The following MAST4 variants were observed in gnomAD, a reference collection of about 807,000 sequenced individuals.
The protein encoded by MAST4 is microtubule associated serine/threonine kinase family member 4.
MAST4 carries 89 observed loss-of-function variants against 162.7 expected under a neutral mutation model. The observed-to-expected ratio is 0.55, with a 90% CI of 0.46 to 0.65. MAST4 has a LOEUF of 0.65. Ranked by LOEUF, MAST4 falls within the 30% of genes least tolerant of loss-of-function variation. The pLI is 0.00. For missense variants in MAST4, 3,153 were observed against 3,374.0 expected (o/e 0.93, Z 1.62); for synonymous variants, 1,479 against 1,361.1 (o/e 1.09, Z -1.91).
chr5:66,769,533 A>G (rs890350258), intron 2 of MAST4, among the ~76,000 whole-genome samples: 2 of 152,236 alleles, frequency 1.3e-5, no homozygotes, highest in African/African-American at 4.8e-5. Context: ...TACCTGGTTT[A>G]GCCTACTGTA....
At chr5:66,910,741 C>CTTTGTTTTTTTTTTTTTTTTTTT (rs1763690763) in intron 4 of MAST4, among the ~76,000 whole-genome samples, 7 of 20,090 alleles carry the variant, frequency 3.5e-4, no homozygotes, top group Non-Finnish European at 9.5e-4. Flanking sequence ...TTTTTTTTTT[C>CTTTGTTTTTTTTTTTTTTTTTTT]TTTTTTTTTT....
intron 3 of MAST4, among the ~76,000 whole-genome samples, chr5:66,892,666 C>A (rs1423465): frequency 2.0e-5 from 3 of 151,856 alleles, no homozygotes; most frequent in Admixed American, 2.0e-4. Context: ...TTATCAGTAC[C>A]AGCCCTCCCT....
chr5:66,907,158 CGAGAGAGAGAGAGAGAGAGAGAGA>C lies in MAST4; in HGVS notation c.674+7202_674+7225del, dbSNP rs34963439. 5.0e-4 allele frequency among the ~76,000 whole-genome samples: 52 copies of C among 104,354 alleles called. 1 individual carries two copies. Among genetic ancestry groups the C allele is most frequent in the African/African-American group, 1.8e-3 (48 of 26,212 alleles). 68.5% of individuals were successfully genotyped at this position (104,354 alleles called of 152,430 possible). A position where few individuals can be genotyped will look rare whatever the true frequency, so the allele number is the denominator to read the frequency against. On this transcript the variant is annotated intron_variant, in intron 4 of 28. Transcript: ENST00000403625. ...AAAGGAAAAATAACTCTCAGCAAAGCGAGAGAGAGAGAGAGAGAGAGAGAGAGAGAGAGAGAGAGAGAGAGAGAG... is the reference window on the plus strand; with the variant it reads ...AAAGGAAAAATAACTCTCAGCAAAGCGAGAGAGAGAGAGAGAGAGAGAGAG...
At chr5:66,943,957 C>A (rs184616302) in intron 4 of MAST4, among the ~76,000 whole-genome samples, 1 of 152,226 alleles carries the variant, frequency 6.6e-6, no homozygotes. Flanking sequence ...ATTCTTATAA[C>A]AATCTTGGGT....
chr5:66,856,471 T>A (rs1759692503), intron 3 of MAST4, among the ~76,000 whole-genome samples: 2 of 152,180 alleles, frequency 1.3e-5, no homozygotes, highest in South Asian at 4.1e-4. Flanking sequence ...TTACTGGAAG[T>A]TTTAAGTTGA....
chr5:67,162,448 A>G (rs1773299477), intron 27 of MAST4, among the ~76,000 whole-genome samples, 159 bp from the exon 28 acceptor site: 1 of 152,150 alleles, frequency 6.6e-6, no homozygotes, highest in Admixed American at 6.5e-5. Context: ...ATGTCATAAG[A>G]AGGTTTCTAA....
At position 67,131,666 on chromosome 5, in the gene MAST4, A is replaced by G. The variant is rs1768981588; in HGVS notation, c.1955-147A>G. 6.3e-6 allele frequency: 4 copies of G among 634,428 alleles called. No individual in the cohort carries two copies. The South Asian group carries it at 1.2e-4, about 19-fold the overall frequency. The allele number at this position is 634,428 out of a possible 1,614,324, so 39.3% of individuals were successfully genotyped here. Reference sequence around the variant, plus strand: ...ATACTGTTTCTTAGTTAGAAACATGATAGGTTAACACATAGACTCCAGTTG... The same window carrying G: ...ATACTGTTTCTTAGTTAGAAACATGGTAGGTTAACACATAGACTCCAGTTG... On this transcript the variant is annotated intron_variant, in intron 15 of 28. Transcript: ENST00000403625.
chr5:66,902,950 A>G (rs1162666457), intron 4 of MAST4, among the ~76,000 whole-genome samples: 2 of 152,188 alleles, frequency 1.3e-5, no homozygotes, highest in African/African-American at 4.8e-5. Context: ...ATCGTGATAT[A>G]GTCAGATAAT....
chr5:67,163,728 A>T lies in MAST4; in HGVS notation c.4549A>T (p.Lys1517Ter), dbSNP rs1400751693. 1.2e-6 allele frequency: 2 copies of T among 1,608,908 alleles called. No homozygotes were observed. The highest frequency in any genetic ancestry group is 1.7e-6 in the Non-Finnish European group (2 of 1,178,036). ...CTGCCTGAAACGCCCAGTCTCCCGG[A>T]AGGTGGGCCGCCAGGAGTCTGTGGA... is the stretch of plus-strand genomic sequence containing the variant. ...QGCLKRPVSR[K>*]VGRQESVDDL... Residue 1517 changes from lysine to a stop codon, truncating the protein, a stop_gained, in exon 29 of 29, where the codon AAG (lysine) becomes TAG (stop). Coordinates refer to ENST00000403625, the MANE Select transcript of MAST4 (RefSeq NM_001164664.2). LOFTEE classifies it low-confidence loss of function (END_TRUNC). This position sits in a 1 kb window ranked among gnomAD's most constrained non-coding sequence, Gnocchi z 7.0.
At chr5:67,059,357 CTT>C (rs1561590811) in intron 5 of MAST4, among the ~76,000 whole-genome samples, 1 of 152,132 alleles carries the variant, frequency 6.6e-6, no homozygotes, top group African/African-American at 2.4e-5. Flanking sequence ...GGTCAACTGA[CTT>C]GGGACAATTA....
chr5:66,925,563 T>G (rs1764834148), intron 4 of MAST4, among the ~76,000 whole-genome samples: 2 of 152,222 alleles, frequency 1.3e-5, no homozygotes, highest in Admixed American at 1.3e-4. Flanking sequence ...GTAGCCATTC[T>G]TAGCCAAGTT....
chr5:66,689,840 C>T (rs144053908), intron 1 of MAST4, among the ~76,000 whole-genome samples: 41 of 152,240 alleles, frequency 2.7e-4, no homozygotes, highest in African/African-American at 7.7e-4. Flanking sequence ...ATAAGGAGTG[C>T]GAGAAGGTGA....
chr5:66,814,674 G>A (rs1756637955), intron 3 of MAST4, among the ~76,000 whole-genome samples: 1 of 152,176 alleles, frequency 6.6e-6, no homozygotes, highest in South Asian at 2.1e-4. Flanking sequence ...TTAAAAAGAT[G>A]TATCTGTCAA....
At chr5:66,679,539 C>A (rs1415362643) in intron 1 of MAST4, among the ~76,000 whole-genome samples, 1 of 151,542 alleles carries the variant, frequency 6.6e-6, no homozygotes, top group East Asian at 1.9e-4. Flanking sequence ...GAAGAGGAGA[C>A]CTGGTGAGAT....
chr5:67,079,082 G>A (rs948867396), intron 5 of MAST4, among the ~76,000 whole-genome samples: 7 of 149,490 alleles, frequency 4.7e-5, no homozygotes, highest in Admixed American at 2.7e-4. Context: ...GCAATTTAGC[G>A]AGAAGGACCA....
intron 23 of MAST4, 70 bp from the exon 24 acceptor site, chr5:67,149,319 C>A (rs985417762): frequency 2.1e-5 from 30 of 1,397,828 alleles, no homozygotes; most frequent in Non-Finnish European, 3.0e-5. Context: ...TGCTGTCTCT[C>A]TCTTCCCGTC....
chr5:66,610,481 C>A (rs1168633480), intron 1 of MAST4, among the ~76,000 whole-genome samples: 6 of 106,984 alleles, frequency 5.6e-5, no homozygotes, highest in Admixed American at 1.0e-4. Context: ...AAGCCAAAGG[C>A]TGTTTTACAC....
intron 1 of MAST4, among the ~76,000 whole-genome samples, chr5:66,630,512 AG>A (rs200136678): frequency 0.012 from 1,870 of 152,268 alleles, 16 homozygotes; most frequent in Non-Finnish European, 0.018. Flanking sequence ...GCATAAACAA[AG>A]TTGTAAGGGG....
rs1229178840 is a variant in MAST4 at position 67,168,646 on chromosome 5, TTTTG to T, written c.*1600_*1603del. On this transcript the variant is annotated 3_prime_UTR_variant, in exon 29 of 29. Transcript: ENST00000403625. The stretch of plus-strand genomic sequence containing the variant: ...GTTGCTTGGGAACCATAGCAGAATT[TTTTG>T]TTTGGTTTTGTAAGAGAAAAAAAAT... 6.6e-6 allele frequency: 1 copy of T among 152,198 alleles called. No homozygotes were observed. Among genetic ancestry groups the T allele is most frequent in the East Asian group, 1.9e-4 (1 of 5,204 alleles). 9.4% of individuals were successfully genotyped at this position (152,198 alleles called of 1,614,324 possible).
Sources: gnomAD v4.1 joint callset for allele counts (sites outside exome capture counted in the v4.1 genomes callset) on GRCh38, gnomAD v4.1.1 for gene constraint, Gnocchi (gnomAD v3.1) non-coding constraint, MANE v1.5 for transcripts, NCBI Gene and HGNC (gene_info 2026-07-23, HGNC 2026-07-21) for gene names.